The following ACOT9 variants were observed in gnomAD, a reference collection of about 807,000 sequenced individuals.
The protein encoded by ACOT9 is acyl-coenzyme A thioesterase 9, mitochondrial.
ACOT9 carries 34 observed loss-of-function variants against 39.7 expected under a neutral mutation model. That is an observed-to-expected ratio of 0.86 (90% CI 0.65 to 1.14). The LOEUF (loss-of-function observed/expected upper bound fraction) is 1.14. Among genes scored for constraint, ACOT9 ranks in the 50% most tolerant of loss-of-function variants. The probability of loss-of-function intolerance (pLI) is 0.00; values close to 1 mark genes in which losing one functional copy is unlikely to be tolerated. For synonymous variants in ACOT9, 110 were observed against 120.5 expected (o/e 0.91, Z 0.57); for missense variants, 313 against 344.1 (o/e 0.91, Z 0.71).
rs191206592 is a variant in ACOT9 at position 23,740,158 on chromosome X, G to C, written c.20+2967C>G. 3.3e-3 allele frequency among the ~76,000 whole-genome samples: 356 copies of C among 107,388 alleles called. 2 individuals carry two copies. The highest frequency in any genetic ancestry group is 4.8e-3 in the Non-Finnish European group (252 of 51,995). 93.3% of individuals were successfully genotyped at this position (107,388 alleles called of 115,157 possible). On this transcript the variant is annotated intron_variant, in intron 1 of 15. Coordinates refer to ENST00000379303, the MANE Select transcript of ACOT9 (RefSeq NM_001037171.2). Reference sequence around the variant, plus strand: ...CAGTCTCACTGTCACCCAGGCTGGAGTGCAGTGGCAACATCTTGGCTCACT... The same window carrying C: ...CAGTCTCACTGTCACCCAGGCTGGACTGCAGTGGCAACATCTTGGCTCACT...
chrX:23,732,426 G>C (rs945116537), intron 4 of ACOT9, among the ~76,000 whole-genome samples: 8 of 111,878 alleles, frequency 7.2e-5, no homozygotes, highest in Non-Finnish European at 1.9e-5. Context: ...AATTTACTTA[G>C]AAATGGTTCA....
chrX:23,716,919 A>G (rs1158222647), intron 8 of ACOT9, among the ~76,000 whole-genome samples: 1 of 110,266 alleles, frequency 9.1e-6, no homozygotes, highest in Non-Finnish European at 1.9e-5. Flanking sequence ...CAGTGGCGCT[A>G]TCTCGGCTCA....
intron 9 of ACOT9, among the ~76,000 whole-genome samples, chrX:23,709,119 G>C (rs1201952833): frequency 3.6e-5 from 4 of 111,923 alleles, no homozygotes; most frequent in African/African-American, 1.3e-4. Context: ...CAGGCCGGGG[G>C]CAGTGGTTCA....
chrX:23,724,237 G>A (rs956911486), intron 6 of ACOT9, among the ~76,000 whole-genome samples: 1 of 111,592 alleles, frequency 9.0e-6, no homozygotes, highest in Admixed American at 9.6e-5. Context: ...ACTCCAGCCT[G>A]AACAACAGAG....
At chrX:23,742,982 A>G in intron 1 of ACOT9, 143 bp downstream of exon 1, 1 of 738,370 alleles carries the variant, frequency 1.4e-6, no homozygotes, top group Non-Finnish European at 1.8e-6. Context: ...TCGGAGGTAC[A>G]GTGGGCGAGC....
chrX:23,734,090 A>G (rs1271116369), intron 3 of ACOT9, among the ~76,000 whole-genome samples: 3 of 112,106 alleles, frequency 2.7e-5, no homozygotes, highest in African/African-American at 9.7e-5. Flanking sequence ...GCAGTAATAG[A>G]TCAAATTACT....
At chrX:23,730,784 A>G (rs1929708257) in intron 5 of ACOT9, 32 bp downstream of exon 5, 9 of 1,154,807 alleles carry the variant, frequency 7.8e-6, no homozygotes, top group African/African-American at 1.8e-5. Context: ...CAAGGAAATA[A>G]AAACAAATAC....
chrX:23,725,876 C>T (rs1043803733), intron 6 of ACOT9, among the ~76,000 whole-genome samples: 1 of 108,776 alleles, frequency 9.2e-6, no homozygotes, highest in Non-Finnish European at 1.9e-5. Flanking sequence ...TTTAAAATGC[C>T]TTAAAATTTA....
chrX:23,705,200 G>A, intron 13 of ACOT9, 120 bp from the exon 14 acceptor site: 1 of 665,833 alleles, frequency 1.5e-6, no homozygotes, highest in Admixed American at 2.8e-5. Flanking sequence ...TAGAGAAGGG[G>A]GAAAAGATCC....
chrX:23,737,934 T>C (rs1197702089), intron 1 of ACOT9, among the ~76,000 whole-genome samples: 1 of 105,783 alleles, frequency 9.5e-6, no homozygotes, highest in African/African-American at 3.5e-5. Flanking sequence ...AGTGGTGCGA[T>C]CTCGGCTCAC....
At chrX:23,710,566 G>A (rs1412142068) in intron 9 of ACOT9, among the ~76,000 whole-genome samples, 1 of 112,175 alleles carries the variant, frequency 8.9e-6, no homozygotes, top group Admixed American at 9.6e-5. Flanking sequence ...TCATAATGAT[G>A]CTTTTCTGGC....
rs55741546 is a variant in ACOT9, at chrX:23,715,763, T to A, written c.589-2555A>T. On this transcript the variant is annotated intron_variant, in intron 8 of 15. Transcript: ENST00000379303. Reference sequence around the variant, plus strand: ...CAAAGACCATTTTCCCCCAGTTATATCCCTAGTATTTAGCACAAAGACCAG... The same window carrying A: ...CAAAGACCATTTTCCCCCAGTTATAACCCTAGTATTTAGCACAAAGACCAG... 1.4e-3 allele frequency among the ~76,000 whole-genome samples: 156 copies of A among 111,895 alleles called. 1 individual carries two copies. The highest frequency in any genetic ancestry group is 0.011 in the South Asian group (31 of 2,709).
At position 23,704,588 on chromosome X, in the gene ACOT9, T is replaced by A. The variant is rs771927664; in HGVS notation, c.1258+106A>T. The A allele has an allele frequency of 6.6e-6, 6 of 912,603 alleles. No individual in the cohort carries two copies. In the East Asian group the frequency reaches 1.6e-4, roughly 24 times the overall value. 75.2% of individuals were successfully genotyped at this position (912,603 alleles called of 1,213,427 possible). ...TCAAAAGCAAAATCTCCTGAAGACA[T>A]GCTCTTGTGCTGACAGGCATCAATA... On this transcript the variant is annotated intron_variant, in intron 15 of 15. Transcript: ENST00000379303.
intron 7 of ACOT9, 49 bp from the exon 8 acceptor site, chrX:23,722,033 G>T: frequency 1.1e-6 from 1 of 909,623 alleles, no homozygotes. Context: ...AAAATTTTCT[G>T]TTCTGTAAAT....
At chrX:23,713,263 C>T (rs1023093832) in intron 8 of ACOT9, 55 bp from the exon 9 acceptor site, 40 of 990,670 alleles carry the variant, frequency 4.0e-5, no homozygotes, top group Non-Finnish European at 5.6e-5. Context: ...ATCGGGAAGA[C>T]CTACCACGAT....
At chrX:23,718,478 G>C (rs1929158945) in intron 8 of ACOT9, among the ~76,000 whole-genome samples, 1 of 112,422 alleles carries the variant, frequency 8.9e-6, no homozygotes, top group African/African-American at 3.2e-5. Context: ...AATAATTCCT[G>C]TATCTCTTTT....
intron 1 of ACOT9, among the ~76,000 whole-genome samples, chrX:23,737,953 C>A (rs1930000152): frequency 9.4e-6 from 1 of 106,117 alleles, no homozygotes; most frequent in African/African-American, 3.5e-5. Context: ...ACTGCAAGCT[C>A]TGCCTCCCGG....
At chrX:23,735,140 G>A (rs1333915780) in intron 2 of ACOT9, among the ~76,000 whole-genome samples, 1 of 102,885 alleles carries the variant, frequency 9.7e-6, no homozygotes, top group Non-Finnish European at 2.0e-5. Context: ...GGGCGTGGTG[G>A]AGCATGCCTG....
At chrX:23,733,093 A>G in intron 4 of ACOT9, 79 bp downstream of exon 4, 1 of 963,975 alleles carries the variant, frequency 1.0e-6, no homozygotes, top group Non-Finnish European at 1.5e-6. Context: ...CCCCACTGTG[A>G]GACCATCAAC....
Sources: gnomAD v4.1 joint callset for allele counts (sites outside exome capture counted in the v4.1 genomes callset) on GRCh38, gnomAD v4.1.1 for gene constraint, MANE v1.5 for transcripts, NCBI Gene and HGNC (gene_info 2026-07-23, HGNC 2026-07-21) for gene names.